RNF216: variants seen among roughly 807,000 people sequenced by gnomAD.
RNF216 encodes the protein ring finger protein 216.
RNF216 carries 72 observed loss-of-function variants against 110.8 expected under a neutral mutation model. That is an observed-to-expected ratio of 0.65 (90% CI 0.54 to 0.79). The LOEUF is 0.79. Among genes scored for constraint, RNF216 ranks in the 30% least tolerant of loss-of-function variants. RNF216 has a pLI of 0.00. For missense variants in RNF216, 1,342 were observed against 1,141.2 expected, an observed-to-expected ratio of 1.18 and a Z score of -2.54; for synonymous variants, 495 against 407.5, an observed-to-expected ratio of 1.21 and a Z score of -2.59.
intron 13 of RNF216, among the ~76,000 whole-genome samples, chr7:5,684,266 C>T (rs989604814): frequency 2.0e-5 from 3 of 151,958 alleles, no homozygotes; most frequent in African/African-American, 4.8e-5. Context: ...CCACGCCCAG[C>T]TAATTTTTGT....
At chr7:5,740,002 C>A (rs75607331) in intron 4 of RNF216, among the ~76,000 whole-genome samples, 48 of 141,132 alleles carry the variant, frequency 3.4e-4, no homozygotes, top group Admixed American at 4.8e-4. Flanking sequence ...GACTCGGTCT[C>A]AAAAAAAAAA....
chr7:5,740,498 G>C (rs6948331), intron 4 of RNF216, among the ~76,000 whole-genome samples: 2,583 of 152,226 alleles, frequency 0.017, 62 homozygotes, highest in African/African-American at 0.058. Flanking sequence ...CATGCTTGAT[G>C]ATGAGGTAAG....
intron 3 of RNF216, among the ~76,000 whole-genome samples, chr7:5,742,690 G>C (rs1794829718): frequency 6.8e-6 from 1 of 147,210 alleles, no homozygotes; most frequent in South Asian, 2.1e-4. Flanking sequence ...CTGCCTCCCA[G>C]GTTCAAGCAA....
intron 7 of RNF216, among the ~76,000 whole-genome samples, chr7:5,727,705 G>GTGA (rs1793844587): frequency 6.6e-6 from 1 of 151,980 alleles, no homozygotes; most frequent in Non-Finnish European, 1.5e-5. Context: ...CTCCAGCCTG[G>GTGA]GTGAGAGAGA....
chr7:5,689,667 C>T (rs918721749), intron 13 of RNF216, among the ~76,000 whole-genome samples: 2 of 152,040 alleles, frequency 1.3e-5, no homozygotes, highest in African/African-American at 4.8e-5. Flanking sequence ...ATAAATAGTA[C>T]AAAGGCCAGG....
intron 13 of RNF216, chr7:5,662,574 A>C (rs1343343743): frequency 6.6e-6 from 1 of 152,214 alleles, no homozygotes; most frequent in Admixed American, 6.5e-5. Flanking sequence ...CACTGAAAGG[A>C]ATGAAGACAC....
At chr7:5,716,687 A>G (rs1793085075) in intron 10 of RNF216, 29 bp downstream of exon 10, 1 of 1,555,026 alleles carries the variant, frequency 6.4e-7, no homozygotes, top group Non-Finnish European at 8.7e-7. Context: ...GAAAATGCCC[A>G]GAATAAACAA....
At chr7:5,661,639 C>T (rs1171640711) in intron 13 of RNF216, among the ~76,000 whole-genome samples, 1 of 152,002 alleles carries the variant, frequency 6.6e-6, no homozygotes, top group Non-Finnish European at 1.5e-5. Context: ...CTCGTCTCTA[C>T]AAAAAATACA....
chr7:5,659,755 A>G (rs1788983100), intron 13 of RNF216, among the ~76,000 whole-genome samples: 2 of 152,192 alleles, frequency 1.3e-5, no homozygotes, highest in African/African-American at 4.8e-5. Flanking sequence ...TCCTCCATAA[A>G]TAAGGGCACA....
At chr7:5,677,612 T>C (rs1790386500) in intron 13 of RNF216, among the ~76,000 whole-genome samples, 1 of 152,296 alleles carries the variant, frequency 6.6e-6, no homozygotes. Flanking sequence ...TGTGTTAGCA[T>C]CCTCAGATTG....
At chr7:5,674,914 T>C (rs930493299) in intron 13 of RNF216, among the ~76,000 whole-genome samples, 2 of 151,820 alleles carry the variant, frequency 1.3e-5, no homozygotes, top group African/African-American at 4.8e-5. Flanking sequence ...AGAGAATTGC[T>C]TGAACCAGGG....
At chr7:5,725,030 T>A (rs1195588403) in intron 8 of RNF216, among the ~76,000 whole-genome samples, 4 of 152,106 alleles carry the variant, frequency 2.6e-5, no homozygotes, top group East Asian at 1.9e-4. Flanking sequence ...TTGAGACCAG[T>A]TTTTCCCCCC....
chr7:5,665,672 CAG>C (rs1315680146), intron 13 of RNF216, among the ~76,000 whole-genome samples: 1 of 151,944 alleles, frequency 6.6e-6, no homozygotes, highest in Non-Finnish European at 1.5e-5. Context: ...GCTTCGAGGA[CAG>C]AGTGGGAGGG....
chr7:5,679,422 T>C (rs1170923306), intron 13 of RNF216, among the ~76,000 whole-genome samples: 1 of 152,246 alleles, frequency 6.6e-6, no homozygotes, highest in Non-Finnish European at 1.5e-5. Flanking sequence ...GTTGTGAGGA[T>C]GCAGGCGCTG....
At chr7:5,673,867 T>TC (rs1790089598) in intron 13 of RNF216, among the ~76,000 whole-genome samples, 1 of 148,822 alleles carries the variant, frequency 6.7e-6, no homozygotes, top group African/African-American at 2.5e-5. Flanking sequence ...TCATTTTTTT[T>TC]TTTTTTTTTT....
intron 13 of RNF216, among the ~76,000 whole-genome samples, chr7:5,705,572 T>TCCCTGG (rs2128624062): frequency 6.6e-6 from 1 of 152,136 alleles, no homozygotes; most frequent in South Asian, 2.1e-4. Context: ...ATGCTGCACA[T>TCCCTGG]CCCTCTTGGC....
chr7:5,664,214 T>C (rs1025937115), intron 13 of RNF216, among the ~76,000 whole-genome samples: 2 of 152,194 alleles, frequency 1.3e-5, no homozygotes, highest in African/African-American at 4.8e-5. Context: ...AAGAACATTA[T>C]TTCCTCCCTA....
At chr7:5,692,578 GAAGGCGAGCGAGGAGA>G (rs1345774008) in intron 13 of RNF216, among the ~76,000 whole-genome samples, 1 of 152,186 alleles carries the variant, frequency 6.6e-6, no homozygotes, top group Admixed American at 6.5e-5. Context: ...AGCCCGTGCA[GAAGGCGAGCGAGGAGA>G]AAGGCAGAGC....
In RNF216 at chr7:5,729,556, G is replaced by A; in HGVS notation, c.1265C>T (p.Pro422Leu). ...IDFFDYSKLT[P>L]LDQRCFIQAA... ...TTGGATGAAGCAGCGCTGGTCAAGAGGGGTCAATTTAGAATAGTCAAAAAA... is the reference window on the plus strand; with the variant it reads ...TTGGATGAAGCAGCGCTGGTCAAGAAGGGTCAATTTAGAATAGTCAAAAAA... Residue 422 changes from proline (P) to leucine (L), a missense_variant, in exon 7 of 17, where the codon CCT becomes CTT. Transcript: ENST00000389902. The A allele has an allele frequency of 6.2e-7, 1 of 1,614,194 alleles. No individual in the cohort carries two copies. Among genetic ancestry groups the A allele is most frequent in the Non-Finnish European group, 8.5e-7 (1 of 1,180,012 alleles).
Sources: gnomAD v4.1 joint callset for allele counts (sites outside exome capture counted in the v4.1 genomes callset) on GRCh38, gnomAD v4.1.1 for gene constraint, MANE v1.5 for transcripts, NCBI Gene and HGNC (gene_info 2026-07-23, HGNC 2026-07-21) for gene names.